Variants in EDNRB observed in about 807,000 individuals in gnomAD.
The protein encoded by EDNRB is endothelin receptor type B.
EDNRB carries 18 observed loss-of-function variants against 46.4 expected under a neutral mutation model. The observed-to-expected ratio is 0.39, with a 90% CI of 0.27 to 0.57. The LOEUF (loss-of-function observed/expected upper bound fraction) is 0.57, where lower values mean the gene tolerates loss of function less well. Ranked by LOEUF, EDNRB falls within the 20% of genes least tolerant of loss-of-function variation. The pLI, the probability that EDNRB is intolerant of heterozygous loss-of-function variation, is 0.61. For synonymous variants in EDNRB, 213 were observed against 204.9 expected, an observed-to-expected ratio of 1.04 and a Z score of -0.34; for missense variants, 434 against 537.5, an observed-to-expected ratio of 0.81 and a Z score of 1.90.
intron 1 of EDNRB, among the ~76,000 whole-genome samples, chr13:77,945,227 A>G (rs1566331129): frequency 6.6e-6 from 1 of 152,216 alleles, no homozygotes; most frequent in Non-Finnish European, 1.5e-5. Context: ...GTGAAAATAT[A>G]CAGAACTTTC....
chr13:77,970,953 C>T (rs1881711077), intron 1 of EDNRB, among the ~76,000 whole-genome samples: 1 of 152,162 alleles, frequency 6.6e-6, no homozygotes, highest in Non-Finnish European at 1.5e-5. Context: ...TGATGAGTTT[C>T]TTCATGCTTT....
chr13:77,933,028 T>C (rs1366644140), intron 1 of EDNRB, among the ~76,000 whole-genome samples: 1 of 152,260 alleles, frequency 6.6e-6, no homozygotes. Flanking sequence ...TGCTGTGTTA[T>C]ATATGTTTAA....
intron 1 of EDNRB, among the ~76,000 whole-genome samples, chr13:77,912,903 C>A (rs1308831608): frequency 1.3e-5 from 2 of 152,052 alleles, no homozygotes; most frequent in Non-Finnish European, 2.9e-5. Flanking sequence ...AATTAGACTC[C>A]TCTCCCAATG....
Position 77,918,212 on chromosome 13 carries a change from G to C in EDNRB, c.362C>G (p.Thr121Arg). 1 of 1,614,136 alleles carries C rather than the reference G, an allele frequency of 6.2e-7. No individual in the cohort carries two copies. The highest frequency in any genetic ancestry group is 8.5e-7 in the Non-Finnish European group (1 of 1,180,022). The stretch of plus-strand genomic sequence containing the variant: ...GTTCTTGTAGATAATTCTCAGAAGT[G>C]TGGAGTTCCCGATGATCCCCAGCAC... ...VFVLGIIGNS[T>R]LLRIIYKNKC... Residue 121 changes from threonine (T) to arginine (R), a missense_variant, in exon 1 of 7, where the codon ACA (threonine) becomes AGA (arginine). Thr to Arg is a moderately conservative substitution (Grantham distance 71). Coordinates refer to ENST00000646607, the MANE Select transcript of EDNRB (RefSeq NM_001122659.3). This position sits in a 1 kb window ranked among gnomAD's most constrained non-coding sequence, Gnocchi z 4.5.
intron 1 of EDNRB, among the ~76,000 whole-genome samples, chr13:77,905,577 CA>C (rs1594362378): frequency 6.6e-6 from 1 of 151,806 alleles, no homozygotes; most frequent in Non-Finnish European, 1.5e-5. Context: ...GGGAGGCAGA[CA>C]AAAAACACAT....
chr13:77,955,864 T>A (rs141349169), intron 1 of EDNRB, among the ~76,000 whole-genome samples: 7 of 141,898 alleles, frequency 4.9e-5, no homozygotes, highest in African/African-American at 2.2e-4. Context: ...TATCTATCTA[T>A]CTATCTATCT....
At chr13:77,919,604 A>C, upstream of EDNRB, 1 of 1,606,054 alleles carries the variant, frequency 6.2e-7, no homozygotes, top group Non-Finnish European at 8.5e-7. Context: ...TCAGACAAGT[A>C]CTTTTATTCA....
chr13:77,923,768 AAG>A (rs1281021627), upstream of EDNRB, among the ~76,000 whole-genome samples: 3 of 149,718 alleles, frequency 2.0e-5, no homozygotes, highest in Non-Finnish European at 4.4e-5. Context: ...TGGTAAATAA[AAG>A]AGAGGTACTT....
In EDNRB at chr13:77,901,101, T is replaced by C. The variant is rs1336420198; in HGVS notation, c.908A>G (p.Lys303Arg). 5 of 1,611,414 alleles carry C rather than the reference T, an allele frequency of 3.1e-6. No homozygotes were observed. In the South Asian group the frequency reaches 5.5e-5, roughly 18 times the overall value. ...YTLMTCEMLRKKSGMQIALND... is the reference protein window; with the variant it reads ...YTLMTCEMLRRKSGMQIALND... ...TAAAGCAATCTGCATGCCACTTTTC[T>C]TTCTCAACATTTCACAGGTCATTAG... Residue 303 changes from lysine (K) to arginine (R), a missense_variant, in exon 4 of 7, where the codon AAG (lysine) becomes AGG (arginine). Physicochemically the swap from Lys to Arg is conservative, Grantham distance 26. Coordinates refer to ENST00000646607, the MANE Select transcript of EDNRB (RefSeq NM_001122659.3).
intron 1 of EDNRB, among the ~76,000 whole-genome samples, chr13:77,936,730 A>C (rs1348066828): frequency 6.6e-6 from 1 of 152,244 alleles, no homozygotes; most frequent in Non-Finnish European, 1.5e-5. Context: ...CTTAGGAGGA[A>C]TCCCAGGCTG....
upstream of EDNRB, among the ~76,000 whole-genome samples, chr13:77,920,351 T>G (rs1200482123): frequency 6.6e-6 from 1 of 152,130 alleles, no homozygotes; most frequent in African/African-American, 2.4e-5. Context: ...GCCCAGAGAT[T>G]GTATAAAAGA....
At chr13:77,917,970 G>C in intron 1 of EDNRB, 121 bp downstream of exon 1, 3 of 1,470,766 alleles carry the variant, frequency 2.0e-6, no homozygotes, top group Non-Finnish European at 2.8e-6. Context: ...CTGACTTTTA[G>C]GAGGGGCAGA....
Position 77,896,830 on chromosome 13 carries a change from T to A in EDNRB, c.*1370A>T. 8.7e-7 allele frequency: 1 copy of A among 1,150,836 alleles called. No homozygotes were observed. The highest frequency in any genetic ancestry group is 1.1e-6 in the Non-Finnish European group (1 of 935,718). 71.3% of individuals were successfully genotyped at this position (1,150,836 alleles called of 1,614,324 possible). ...CTTTCACACACATCTCATCCCAAGC[T>A]ATCCTAAGGCACTTTGCTTAGAAGA... is the stretch of plus-strand genomic sequence containing the variant. On this transcript the variant is annotated 3_prime_UTR_variant, in exon 7 of 7. Coordinates refer to ENST00000646607, the MANE Select transcript of EDNRB (RefSeq NM_001122659.3).
intron 1 of EDNRB, among the ~76,000 whole-genome samples, chr13:77,964,215 A>T (rs996599622): frequency 3.9e-5 from 6 of 152,300 alleles, no homozygotes; most frequent in African/African-American, 1.4e-4. Context: ...CAGTGTGGCC[A>T]CTCCTCAAGG....
At chr13:77,906,560 A>G (rs756213495) in intron 1 of EDNRB, among the ~76,000 whole-genome samples, 10 of 151,982 alleles carry the variant, frequency 6.6e-5, no homozygotes, top group Non-Finnish European at 1.5e-4. Context: ...GCCAGCTGCC[A>G]TGTCATGAGG....
chr13:77,903,915 C>G (rs563866280), intron 1 of EDNRB, among the ~76,000 whole-genome samples: 1 of 152,020 alleles, frequency 6.6e-6, no homozygotes, highest in Admixed American at 6.6e-5. Context: ...AAAATTGAAC[C>G]TGTATACTGT....
chr13:77,956,850 C>G (rs1469500452), intron 1 of EDNRB, among the ~76,000 whole-genome samples: 2 of 152,212 alleles, frequency 1.3e-5, no homozygotes, highest in Admixed American at 6.5e-5. Flanking sequence ...ATGACATTGT[C>G]TTCTGCCTAT....
At chr13:77,956,392 T>C (rs1314304671) in intron 1 of EDNRB, among the ~76,000 whole-genome samples, 1 of 152,196 alleles carries the variant, frequency 6.6e-6, no homozygotes, top group Non-Finnish European at 1.5e-5. Flanking sequence ...TGAAATTATT[T>C]TTGCATCCCA....
chr13:77,953,519 T>G (rs1176221144), intron 1 of EDNRB, among the ~76,000 whole-genome samples: 2 of 152,238 alleles, frequency 1.3e-5, no homozygotes, highest in East Asian at 3.9e-4. Flanking sequence ...GAACATGGCA[T>G]TTTTTAGACG....
Sources: allele counts gnomAD v4.1 joint callset (sites outside exome capture counted in the v4.1 genomes callset), GRCh38; gene constraint gnomAD v4.1.1; non-coding constraint Gnocchi (gnomAD v3.1); transcripts MANE v1.5; gene names NCBI Gene and HGNC (gene_info 2026-07-23, HGNC 2026-07-21).